Variants in DNAJC6 observed in about 807,000 individuals in gnomAD.
DNAJC6 encodes DnaJ heat shock protein family (Hsp40) member C6.
Under a neutral mutation model 110.0 loss-of-function variants are expected in DNAJC6, and 34 were observed. That is an observed-to-expected ratio of 0.31 (90% CI 0.24 to 0.41). The LOEUF (loss-of-function observed/expected upper bound fraction) is 0.41. Ranked by LOEUF, DNAJC6 falls within the 10% of genes least tolerant of loss-of-function variation. The pLI is 1.00. For missense variants in DNAJC6, 1,031 were observed against 1,207.8 expected (o/e 0.85, Z 2.17); for synonymous variants, 406 against 437.2 (o/e 0.93, Z 0.89).
rs376992397 is a variant in DNAJC6, at chr1:65,392,569, A to G, written c.1607A>G (p.Lys536Arg). ...AATGGTGACAAGCCTCATGGAGTCA[A>G]GAAGCCCAGCAAAAAGCAGCAGGAG... Reference protein sequence around the residue: ...NANGDKPHGVKKPSKKQQEPA... With the variant: ...NANGDKPHGVRKPSKKQQEPA... The change falls in exon 12 of 19, where the codon AAG becomes AGG. Residue 536 changes from lysine to arginine, a missense_variant. Lys to Arg is a conservative substitution (Grantham distance 26). Transcript: ENST00000371069. 81 of 1,614,016 alleles carry G rather than the reference A, an allele frequency of 5.0e-5. No individual in the cohort carries two copies. Among genetic ancestry groups the G allele is most frequent in the Non-Finnish European group, 5.9e-5 (70 of 1,180,018 alleles).
At chr1:65,284,940 AG>A (rs1557497675) in intron 1 of DNAJC6, among the ~76,000 whole-genome samples, 1 of 151,992 alleles carries the variant, frequency 6.6e-6, no homozygotes, top group Non-Finnish European at 1.5e-5. Flanking sequence ...CGCCCACCTC[AG>A]CCTCCCAAAG....
At chr1:65,382,605 C>T (rs1002809570) in intron 5 of DNAJC6, among the ~76,000 whole-genome samples, 5 of 152,174 alleles carry the variant, frequency 3.3e-5, no homozygotes, top group Non-Finnish European at 7.4e-5. Context: ...CATATTTGCA[C>T]ATTACCTTAA....
chr1:65,330,818 T>C (rs758172020), intron 1 of DNAJC6, among the ~76,000 whole-genome samples: 18 of 152,250 alleles, frequency 1.2e-4, no homozygotes, highest in Non-Finnish European at 2.6e-4. Flanking sequence ...ATGGATGTTG[T>C]ATAAAGTAGC....
At chr1:65,374,036 A>G (rs1395856638) in intron 4 of DNAJC6, among the ~76,000 whole-genome samples, 1 of 152,232 alleles carries the variant, frequency 6.6e-6, no homozygotes, top group South Asian at 2.1e-4. Context: ...TATGGAAAAG[A>G]CTGTCCTCTC....
intron 1 of DNAJC6, among the ~76,000 whole-genome samples, chr1:65,341,074 T>G (rs1430263377): frequency 6.6e-6 from 1 of 152,176 alleles, no homozygotes; most frequent in Non-Finnish European, 1.5e-5. Flanking sequence ...CTGCACCTAC[T>G]AACTGGGACT....
At chr1:65,279,163 C>G in intron 1 of DNAJC6, 1 of 985,290 alleles carries the variant, frequency 1.0e-6, no homozygotes, top group Non-Finnish European at 1.2e-6. Flanking sequence ...TAGTTTGGTG[C>G]TGTGTGGTTT....
At chr1:65,316,082 A>G (rs1323112054) in intron 1 of DNAJC6, among the ~76,000 whole-genome samples, 1 of 152,208 alleles carries the variant, frequency 6.6e-6, no homozygotes, top group Non-Finnish European at 1.5e-5. Context: ...ATGAAGCATT[A>G]TATATTTTTG....
At chr1:65,316,309 G>C (rs1226202577) in intron 1 of DNAJC6, among the ~76,000 whole-genome samples, 2 of 152,128 alleles carry the variant, frequency 1.3e-5, no homozygotes, top group Admixed American at 6.5e-5. Context: ...TTATCCCATA[G>C]ACCCCTGGAC....
chr1:65,290,056 C>T (rs10889533), intron 1 of DNAJC6, among the ~76,000 whole-genome samples: 16,647 of 152,012 alleles, frequency 0.11, 1,187 homozygotes, highest in East Asian at 0.27. Context: ...GTGATCCACC[C>T]GCCTCGGCCT....
chr1:65,392,720 G>A lies in DNAJC6; in HGVS notation c.1758G>A (p.Gly586=). The change falls in exon 12 of 19, where the codon GGG becomes GGA. Residue 586 remains glycine (G), a synonymous_variant. Transcript: ENST00000371069. The part of the protein sequence containing the change: ...TNSELLSDLF[G]GGGAAGPTQA... The stretch of plus-strand genomic sequence containing the variant: ...CTGAACTACTGAGTGACCTGTTTGG[G>A]GGTGGAGGTGCAGCTGGTCCCACCC... 1 of 1,612,784 alleles carries A rather than the reference G, an allele frequency of 6.2e-7. No individual in the cohort carries two copies. Among genetic ancestry groups the A allele is most frequent in the Non-Finnish European group, 8.5e-7 (1 of 1,179,466 alleles).
At chr1:65,333,603 C>T (rs938140144) in intron 1 of DNAJC6, among the ~76,000 whole-genome samples, 3 of 152,100 alleles carry the variant, frequency 2.0e-5, no homozygotes, top group Non-Finnish European at 4.4e-5. Context: ...TGTCTTAAAT[C>T]CTGAAAACAT....
chr1:65,359,159 T>G (rs1645575469), intron 1 of DNAJC6, among the ~76,000 whole-genome samples: 1 of 152,242 alleles, frequency 6.6e-6, no homozygotes, highest in South Asian at 2.1e-4. Context: ...TAAATGACTA[T>G]TGAATCATCT....
intron 13 of DNAJC6, 34 bp from the exon 14 acceptor site, chr1:65,398,779 T>C: frequency 6.2e-7 from 1 of 1,612,682 alleles, no homozygotes; most frequent in Non-Finnish European, 8.5e-7. Context: ...CTGAGCTCTC[T>C]TGTTCTCATT....
chr1:65,392,671 C>T lies in DNAJC6; in HGVS notation c.1709C>T (p.Pro570Leu), dbSNP rs751850074. 3.3e-5 allele frequency: 54 copies of T among 1,612,538 alleles called. No individual in the cohort carries two copies. The highest frequency in any genetic ancestry group is 3.3e-4 in the Middle Eastern group (2 of 6,076). ...EGSAMSNSFS[P>L]PAAPPTNSEL... ...TCTGCAATGAGTAACAGCTTCTCTC[C>T]GCCAGCGGCTCCTCCCACCAATTCT... Residue 570 changes from proline (P) to leucine (L), a missense_variant, in exon 12 of 19, where the codon CCG (proline) becomes CTG (leucine). Coordinates refer to ENST00000371069, the MANE Select transcript of DNAJC6 (RefSeq NM_001256864.2).
At chr1:65,326,300 G>A (rs865919026) in intron 1 of DNAJC6, among the ~76,000 whole-genome samples, 3 of 152,204 alleles carry the variant, frequency 2.0e-5, no homozygotes, top group South Asian at 2.1e-4. Context: ...CAAGACAGGA[G>A]TAGCTCTAAT....
Position 65,415,049 on chromosome 1 carries a change from C to T in DNAJC6, c.*2024C>T, listed in dbSNP as rs569112071. The T allele has an allele frequency of 6.7e-4, 102 of 152,212 alleles. No individual in the cohort carries two copies. The highest frequency in any genetic ancestry group is 2.4e-3 in the African/African-American group (98 of 41,550). 9.4% of individuals were successfully genotyped at this position (152,212 alleles called of 1,614,324 possible). On this transcript the variant is annotated 3_prime_UTR_variant, in exon 19 of 19. Coordinates refer to ENST00000371069, the MANE Select transcript of DNAJC6 (RefSeq NM_001256864.2). ...GAGATTTTCCCCCACATCTCTTTTCCGGATACATTATAATTCTGGACCCCT... is the reference window on the plus strand; with the variant it reads ...GAGATTTTCCCCCACATCTCTTTTCTGGATACATTATAATTCTGGACCCCT...
chr1:65,336,047 G>A (rs1031107141), intron 1 of DNAJC6, among the ~76,000 whole-genome samples: 1 of 152,080 alleles, frequency 6.6e-6, no homozygotes, highest in Non-Finnish European at 1.5e-5. Flanking sequence ...ATATACATTT[G>A]TATTAGTCTG....
In DNAJC6 at chr1:65,392,560, A is replaced by G. The variant is rs1570365944; in HGVS notation, c.1598A>G (p.His533Arg). ...PHGNANGDKPHGVKKPSKKQQ... is the reference protein window; with the variant it reads ...PHGNANGDKPRGVKKPSKKQQ... ...GGCAATGCCAATGGTGACAAGCCTC[A>G]TGGAGTCAAGAAGCCCAGCAAAAAG... is the stretch of plus-strand genomic sequence containing the variant. Residue 533 changes from histidine (H) to arginine (R), a missense_variant, in exon 12 of 19, where the codon CAT (histidine) becomes CGT (arginine). Coordinates refer to ENST00000371069, the MANE Select transcript of DNAJC6 (RefSeq NM_001256864.2). 1 of 1,614,006 alleles carries G rather than the reference A, an allele frequency of 6.2e-7. No individual in the cohort carries two copies. Among genetic ancestry groups the G allele is most frequent in the South Asian group, 1.1e-5 (1 of 91,072 alleles).
At position 65,371,410 on chromosome 1, in the gene DNAJC6, T is replaced by C. The variant is rs546329606; in HGVS notation, c.543+5214T>C. On this transcript the variant is annotated intron_variant, in intron 4 of 18. Transcript: ENST00000371069. ...TCTTAGAATTTTTTTTATAGGTTTG[T>C]TGTAAGGAATAAATTTGATAGCAGT... Among the ~76,000 whole-genome samples, 302 of 152,208 alleles carry C rather than the reference T, an allele frequency of 2.0e-3. 1 individual carries two copies. The highest frequency in any genetic ancestry group is 4.6e-3 in the South Asian group (22 of 4,826).
Sources: gnomAD v4.1 joint callset for allele counts (sites outside exome capture counted in the v4.1 genomes callset) on GRCh38, gnomAD v4.1.1 for gene constraint, MANE v1.5 for transcripts, NCBI Gene and HGNC (gene_info 2026-07-23, HGNC 2026-07-21) for gene names.